Variants in VPS13D observed in about 807,000 individuals in gnomAD.
VPS13D encodes the protein intermembrane lipid transfer protein VPS13D.
Under a neutral mutation model 461.9 loss-of-function variants are expected in VPS13D, and 187 were observed. That is an observed-to-expected ratio of 0.40 (90% confidence interval 0.36 to 0.46). VPS13D has a LOEUF of 0.46. Among genes scored for constraint, VPS13D ranks in the 20% least tolerant of loss-of-function variants. VPS13D has a pLI of 0.60. For missense variants in VPS13D, 4,711 were observed against 5,364.9 expected, an observed-to-expected ratio of 0.88 and a Z score of 3.81; for synonymous variants, 1,951 against 1,986.3, an observed-to-expected ratio of 0.98 and a Z score of 0.47.
intron 65 of VPS13D, among the ~76,000 whole-genome samples, chr1:12,442,413 C>G (rs934825623): frequency 6.6e-6 from 1 of 151,982 alleles, no homozygotes; most frequent in African/African-American, 2.4e-5. Flanking sequence ...TGGCTGTAAA[C>G]GAAGGTGAAA....
Position 12,338,263 on chromosome 1 carries a change from A to G in VPS13D, c.8584A>G (p.Thr2862Ala), listed in dbSNP as rs1354860959. 1 of 1,613,686 alleles carries G rather than the reference A, an allele frequency of 6.2e-7. No homozygotes were observed. The highest frequency in any genetic ancestry group is 1.3e-5 in the African/African-American group (1 of 74,926). The part of the protein sequence containing the change: ...LPLVYLRTRS[T>A]ASLTNLEHQI... Reference sequence around the variant, plus strand: ...CCTTGTCTACCTTAGAACTAGGAGTACAGCCAGTCTGACTAACCTAGAGCA... The same window carrying G: ...CCTTGTCTACCTTAGAACTAGGAGTGCAGCCAGTCTGACTAACCTAGAGCA... Residue 2862 changes from threonine (T) to alanine (A), a missense_variant, in exon 40 of 70, where the codon ACA becomes GCA. Physicochemically the swap from Thr to Ala is moderately conservative, Grantham distance 58. This residue lies in a region of VPS13D where 4,411 missense variants were observed against 4,937.8 expected (regional missense o/e 0.89). Coordinates refer to ENST00000620676, the MANE Select transcript of VPS13D (RefSeq NM_015378.4).
intron 2 of VPS13D, among the ~76,000 whole-genome samples, chr1:12,236,766 G>A (rs1048001611): frequency 5.9e-5 from 9 of 152,162 alleles, no homozygotes; most frequent in African/African-American, 2.2e-4. Flanking sequence ...TAGTGGTCAA[G>A]GGTATTGATT....
At chr1:12,491,611 T>C (rs974902539) in intron 67 of VPS13D, among the ~76,000 whole-genome samples, 4 of 152,084 alleles carry the variant, frequency 2.6e-5, no homozygotes, top group Middle Eastern at 3.2e-3. Flanking sequence ...GGGCCTCCGG[T>C]GTATATCAGA....
intron 55 of VPS13D, among the ~76,000 whole-genome samples, chr1:12,375,658 G>A (rs1431806232): frequency 6.6e-6 from 1 of 152,128 alleles, no homozygotes; most frequent in African/African-American, 2.4e-5. Context: ...CCATGTACTG[G>A]GCAGCCCTGC....
chr1:12,504,198 C>T (rs2100558817), intron 68 of VPS13D, among the ~76,000 whole-genome samples: 1 of 152,094 alleles, frequency 6.6e-6, no homozygotes, highest in South Asian at 2.1e-4. Context: ...GATGATGCAA[C>T]CCAAAGCCCT....
In VPS13D at chr1:12,276,541, G is replaced by A. The variant is rs763987782; in HGVS notation, c.2953G>A (p.Ala985Thr). ...TGTGCTCAAGGTGTTTGGTACCAAT[G>A]CTCACTTTGTGAAGAGGCCTTATGA... is the stretch of plus-strand genomic sequence containing the variant. The part of the protein sequence containing the change: ...ISVLKVFGTN[A>T]HFVKRPYDAE... The change falls in exon 19 of 70, where the codon GCT becomes ACT. Residue 985 changes from alanine (A) to threonine (T), a missense_variant. Ala to Thr is a moderately conservative substitution (Grantham distance 58). This residue lies in a region of VPS13D where 4,411 missense variants were observed against 4,937.8 expected (regional missense o/e 0.89). Transcript: ENST00000620676. This position sits in a 1 kb window ranked among gnomAD's most constrained non-coding sequence, Gnocchi z 4.5. 3.1e-6 allele frequency: 5 copies of A among 1,614,054 alleles called. No individual in the cohort carries two copies. The highest frequency in any genetic ancestry group is 4.2e-6 in the Non-Finnish European group (5 of 1,180,034).
chr1:12,353,987 A>G lies in VPS13D; in HGVS notation c.9445A>G (p.Ile3149Val), dbSNP rs1337404080. The G allele has an allele frequency of 6.2e-6, 10 of 1,613,896 alleles. No individual in the cohort carries two copies. The highest frequency in any genetic ancestry group is 4.5e-5 in the East Asian group (2 of 44,892). Reference protein sequence around the residue: ...KSRFFRFCVAIKKENYPDYMP... With the variant: ...KSRFFRFCVAVKKENYPDYMP... ...TTATCTTCATAGGTTTTGTGTGGCTATAAAGAAAGAGAATTATCCAGATTA... is the reference window on the plus strand; with the variant it reads ...TTATCTTCATAGGTTTTGTGTGGCTGTAAAGAAAGAGAATTATCCAGATTA... The change falls in exon 47 of 70, where the codon ATA becomes GTA. Residue 3149 changes from isoleucine to valine, a missense_variant. Physicochemically the swap from Ile to Val is conservative, Grantham distance 29. Coordinates refer to ENST00000620676, the MANE Select transcript of VPS13D (RefSeq NM_015378.4).
chr1:12,429,714 A>G (rs1413984867), intron 65 of VPS13D, among the ~76,000 whole-genome samples: 3 of 152,128 alleles, frequency 2.0e-5, no homozygotes, highest in African/African-American at 2.4e-5. Context: ...TTAGGATCCT[A>G]TTTCTTCTCC....
intron 60 of VPS13D, among the ~76,000 whole-genome samples, chr1:12,399,726 G>A (rs1351801171): frequency 6.6e-6 from 1 of 150,688 alleles, no homozygotes; most frequent in African/African-American, 2.5e-5. Context: ...GGCTGAGGCA[G>A]GAGAATCGCT....
At chr1:12,331,084 T>C (rs949498944) in intron 37 of VPS13D, among the ~76,000 whole-genome samples, 1 of 152,218 alleles carries the variant, frequency 6.6e-6, no homozygotes, top group African/African-American at 2.4e-5. Flanking sequence ...TTCTTCCCAT[T>C]TGAAAGACCA....
At position 12,495,346 on chromosome 1, in the gene VPS13D, T is replaced by G. The variant is rs777192544; in HGVS notation, c.12663-2154T>G. Among the ~76,000 whole-genome samples the G allele has an allele frequency of 2.0e-5, 3 of 151,926 alleles. No homozygotes were observed. Among genetic ancestry groups the G allele is most frequent in the Admixed American group, 1.3e-4 (2 of 15,256 alleles). On this transcript the variant is annotated intron_variant, in intron 67 of 69. Transcript: ENST00000620676. The surrounding 1 kb of genome is among the most constrained non-coding windows in gnomAD (Gnocchi z 4.0). Reference sequence around the variant, plus strand: ...CTAATTTTTTGTATTTTTAGTAGTATTTTTAGTTTCACCGTGTTAGCCAGG... The same window carrying G: ...CTAATTTTTTGTATTTTTAGTAGTAGTTTTAGTTTCACCGTGTTAGCCAGG...
intron 54 of VPS13D, among the ~76,000 whole-genome samples, chr1:12,371,627 A>G (rs2101630048): frequency 6.6e-6 from 1 of 152,180 alleles, no homozygotes; most frequent in South Asian, 2.1e-4. Flanking sequence ...TCCTGACTTC[A>G]GGCGATCCAC....
At chr1:12,350,086 C>A (rs1459797443) in intron 46 of VPS13D, among the ~76,000 whole-genome samples, 1 of 152,114 alleles carries the variant, frequency 6.6e-6, no homozygotes, top group Non-Finnish European at 1.5e-5. Flanking sequence ...AGAAATACAT[C>A]AAATACATAG....
At chr1:12,433,931 T>TGAGAGAGAGAGA (rs374176072) in intron 65 of VPS13D, among the ~76,000 whole-genome samples, 33 of 126,522 alleles carry the variant, frequency 2.6e-4, no homozygotes, top group African/African-American at 5.4e-4. Context: ...AGAGAGAGAG[T>TGAGAGAGAGAGA]GAGAGAGAGA....
intron 2 of VPS13D, among the ~76,000 whole-genome samples, chr1:12,238,588 A>C (rs1444132913): frequency 6.6e-6 from 1 of 151,512 alleles, no homozygotes; most frequent in African/African-American, 2.4e-5. Context: ...ATGTGTATGA[A>C]GTGCTTGGAC....
intron 52 of VPS13D, among the ~76,000 whole-genome samples, chr1:12,365,829 G>T (rs1464328130): frequency 6.6e-6 from 1 of 152,112 alleles, no homozygotes; most frequent in African/African-American, 2.4e-5. Flanking sequence ...TCTCTATTGA[G>T]AACACTATTA....
intron 27 of VPS13D, among the ~76,000 whole-genome samples, chr1:12,309,284 C>T (rs1235316963): frequency 6.8e-6 from 1 of 147,484 alleles, no homozygotes; most frequent in African/African-American, 2.5e-5. Context: ...GATCTCAGCT[C>T]ACTGCAACCT....
chr1:12,470,727 C>T (rs77003940), intron 67 of VPS13D, among the ~76,000 whole-genome samples: 2,919 of 152,252 alleles, frequency 0.019, 110 homozygotes, highest in Admixed American at 0.1. Context: ...TTCATTAAAG[C>T]AAGTTTCCCT....
intron 50 of VPS13D, among the ~76,000 whole-genome samples, chr1:12,360,278 A>C (rs1643929787): frequency 1.3e-5 from 2 of 152,180 alleles, no homozygotes; most frequent in South Asian, 4.1e-4. Flanking sequence ...AATTTGTGGA[A>C]TCTCCTGCTT....
Sources: gnomAD v4.1 joint callset for allele counts (sites outside exome capture counted in the v4.1 genomes callset) on GRCh38, gnomAD v4.1.1 for gene constraint, gnomAD v4.1.1 regional missense constraint, Gnocchi (gnomAD v3.1) non-coding constraint, MANE v1.5 for transcripts, NCBI Gene and HGNC (gene_info 2026-07-23, HGNC 2026-07-21) for gene names.